Variants in UNC5D observed in about 807,000 individuals in gnomAD.
UNC5D encodes the protein unc-5 netrin receptor D.
In UNC5D, 39 loss-of-function variants were observed where a neutral mutation model predicts 105.4. That is an observed-to-expected ratio of 0.37 (90% CI 0.29 to 0.48). UNC5D has a LOEUF of 0.48. UNC5D is among the 20% of genes least tolerant of loss of function. The pLI is 0.98. For missense variants in UNC5D, 991 were observed against 1,202.4 expected (o/e 0.82, Z 2.60); for synonymous variants, 452 against 450.4 (o/e 1.00, Z -0.04).
intron 1 of UNC5D, among the ~76,000 whole-genome samples, chr8:35,351,269 A>G (rs867679763): frequency 1.1e-4 from 17 of 152,040 alleles, no homozygotes; most frequent in Middle Eastern, 3.4e-3. Flanking sequence ...TCTCCTACCC[A>G]CATAATCCCC....
intron 1 of UNC5D, among the ~76,000 whole-genome samples, chr8:35,488,521 G>T (rs1810978229): frequency 6.6e-6 from 1 of 152,160 alleles, no homozygotes; most frequent in Non-Finnish European, 1.5e-5. Flanking sequence ...GGGCCTTGGG[G>T]ACTGGGCTGC....
chr8:35,621,466 A>G (rs768415141), intron 4 of UNC5D, among the ~76,000 whole-genome samples: 3 of 152,186 alleles, frequency 2.0e-5, no homozygotes, highest in Non-Finnish European at 4.4e-5. Flanking sequence ...TTTGCTGATT[A>G]GTCAAGAGTT....
intron 1 of UNC5D, among the ~76,000 whole-genome samples, chr8:35,416,669 G>C (rs975038391): frequency 4.6e-5 from 7 of 151,904 alleles, no homozygotes; most frequent in African/African-American, 1.7e-4. Flanking sequence ...AGTAAGAGTA[G>C]AATCAGGAGT....
intron 16 of UNC5D, among the ~76,000 whole-genome samples, chr8:35,780,602 G>A (rs1186141401): frequency 6.6e-6 from 1 of 152,228 alleles, no homozygotes; most frequent in Non-Finnish European, 1.5e-5. Flanking sequence ...GAGGGAAGAT[G>A]ATGAGTACAA....
Position 35,375,953 on chromosome 8 carries a change from G to A in UNC5D, c.103+140066G>A, listed in dbSNP as rs1053171014. Among the ~76,000 whole-genome samples, 9 of 152,218 alleles carry A rather than the reference G, an allele frequency of 5.9e-5. 1 individual carries two copies. In the South Asian group the frequency reaches 1.2e-3, roughly 21 times the overall value. ...ACCTCTTTATACTCTCCCACCTCCT[G>A]AATCTCAGAAGAAATTTGAGATGTT... On this transcript the variant is annotated intron_variant, in intron 1 of 16. Coordinates refer to ENST00000404895, the MANE Select transcript of UNC5D (RefSeq NM_080872.4).
intron 14 of UNC5D, among the ~76,000 whole-genome samples, chr8:35,759,914 C>A (rs1173896951): frequency 6.6e-6 from 1 of 151,996 alleles, no homozygotes; most frequent in Non-Finnish European, 1.5e-5. Context: ...CTATGGCTAG[C>A]CAGGTGGAAA....
chr8:35,296,843 A>G lies in UNC5D; in HGVS notation c.103+60956A>G, dbSNP rs553933323. On this transcript the variant is annotated intron_variant, in intron 1 of 16. Transcript: ENST00000404895. ...AATATATCACCCCTCTCCCTTATACACAACACCACTCATTGTACTGTGATA... is the reference window on the plus strand; with the variant it reads ...AATATATCACCCCTCTCCCTTATACGCAACACCACTCATTGTACTGTGATA... Among the ~76,000 whole-genome samples the G allele has an allele frequency of 2.6e-5, 4 of 152,246 alleles. No individual in the cohort carries two copies. The South Asian group carries it at 8.3e-4, about 32-fold the overall frequency.
At chr8:35,528,139 G>A (rs1425946966) in intron 1 of UNC5D, among the ~76,000 whole-genome samples, 1 of 146,270 alleles carries the variant, frequency 6.8e-6, no homozygotes, top group East Asian at 2.0e-4. Flanking sequence ...CTGGTGTGCT[G>A]CACCCACTAA....
chr8:35,496,344 A>G lies in UNC5D; in HGVS notation c.104-52948A>G, dbSNP rs574158413. On this transcript the variant is annotated intron_variant, in intron 1 of 16. Coordinates refer to ENST00000404895, the MANE Select transcript of UNC5D (RefSeq NM_080872.4). ...TCTAAGGACTTTTGGAAGCCAGTAAAGGGTTTGTAAGCAGAAAAGATCTTT... is the reference window on the plus strand; with the variant it reads ...TCTAAGGACTTTTGGAAGCCAGTAAGGGGTTTGTAAGCAGAAAAGATCTTT... Among the ~76,000 whole-genome samples, 196 of 152,294 alleles carry G rather than the reference A, an allele frequency of 1.3e-3. 1 individual carries two copies. Among genetic ancestry groups the G allele is most frequent in the African/African-American group, 4.4e-3 (184 of 41,582 alleles).
intron 1 of UNC5D, among the ~76,000 whole-genome samples, chr8:35,246,093 T>C (rs1034680502): frequency 5.3e-5 from 8 of 152,160 alleles, no homozygotes; most frequent in Admixed American, 1.3e-4. Flanking sequence ...TTCACAATTA[T>C]GTGTACTTGA....
At chr8:35,658,611 G>A (rs574178215) in intron 4 of UNC5D, among the ~76,000 whole-genome samples, 7 of 151,364 alleles carry the variant, frequency 4.6e-5, no homozygotes, top group Non-Finnish European at 1.0e-4. Context: ...GAAAAGTTAG[G>A]AAGTGACCTT....
chr8:35,685,460 A>G (rs1195674923), intron 6 of UNC5D, among the ~76,000 whole-genome samples: 1 of 152,150 alleles, frequency 6.6e-6, no homozygotes, highest in East Asian at 1.9e-4. Flanking sequence ...TCTCACATGC[A>G]CTACAGAACA....
chr8:35,245,479 A>G (rs935792446), intron 1 of UNC5D, among the ~76,000 whole-genome samples: 1 of 152,122 alleles, frequency 6.6e-6, no homozygotes. Context: ...GAGGTTTCCA[A>G]AGTTGTTTCT....
At chr8:35,532,321 G>GATATGAA (rs889243980) in intron 1 of UNC5D, among the ~76,000 whole-genome samples, 3 of 151,020 alleles carry the variant, frequency 2.0e-5, no homozygotes, top group African/African-American at 7.3e-5. Flanking sequence ...AGTTTGGCTG[G>GATATGAA]ATATGAAATT....
intron 4 of UNC5D, among the ~76,000 whole-genome samples, chr8:35,670,688 A>G (rs978200093): frequency 6.6e-6 from 1 of 151,982 alleles, no homozygotes; most frequent in Non-Finnish European, 1.5e-5. Context: ...GAGGGGATCA[A>G]CACATACTGG....
intron 11 of UNC5D, among the ~76,000 whole-genome samples, chr8:35,736,990 GC>G (rs1478301231): frequency 1.3e-5 from 2 of 151,986 alleles, no homozygotes; most frequent in Admixed American, 6.6e-5. Flanking sequence ...CACCAATATT[GC>G]CCAAGTTCAA....
intron 4 of UNC5D, among the ~76,000 whole-genome samples, chr8:35,669,407 T>A (rs933623446): frequency 3.3e-5 from 5 of 152,022 alleles, no homozygotes; most frequent in Non-Finnish European, 7.3e-5. Flanking sequence ...CCTTTTTACC[T>A]GGTATTCCTA....
In UNC5D at chr8:35,774,351, C is replaced by A. The variant is rs1802142345; in HGVS notation, c.2531C>A (p.Ala844Glu). 1 of 1,614,120 alleles carries A rather than the reference C, an allele frequency of 6.2e-7. No homozygotes were observed. The highest frequency in any genetic ancestry group is 1.1e-5 in the South Asian group (1 of 91,084). Residue 844 changes from alanine to glutamate, a missense_variant, in exon 16 of 17, where the codon GCA (alanine) becomes GAA (glutamate). By Grantham distance (107) the Ala-to-Glu change is moderately radical (BLOSUM62 -1). Around this residue, in one of 3 missense-constraint regions of UNC5D, gnomAD observed 944 missense variants for 1,131.6 expected, o/e 0.83. Coordinates refer to ENST00000404895, the MANE Select transcript of UNC5D (RefSeq NM_080872.4). ...GCACAAGAGGACAGCACTTTCCCTG[C>A]ACAGACTGGCCCCAAAGCCTTCAAA... ...FFAQEDSTFPAQTGPKAFKIP... is the reference protein window; with the variant it reads ...FFAQEDSTFPEQTGPKAFKIP...
rs56702865 is a variant in UNC5D at position 35,789,895 on chromosome 8, AACACACACAC to A, written c.2658-436_2658-427del. On this transcript the variant is annotated intron_variant, in intron 16 of 16. Transcript: ENST00000404895. ...ATGTCAAGGGGATAGTCAAGAAGAAAACACACACACACACACACACACACACACACACACA... is the reference window on the plus strand; with the variant it reads ...ATGTCAAGGGGATAGTCAAGAAGAAAACACACACACACACACACACACACA... 2.2e-4 allele frequency among the ~76,000 whole-genome samples: 32 copies of A among 142,778 alleles called. No individual in the cohort carries two copies. In the South Asian group the frequency reaches 4.8e-3, roughly 21 times the overall value. The allele number at this position is 142,778 out of a possible 152,430, so 93.7% of individuals were successfully genotyped here.
Sources: allele counts gnomAD v4.1 joint callset (sites outside exome capture counted in the v4.1 genomes callset), GRCh38; gene constraint gnomAD v4.1.1; regional missense constraint gnomAD v4.1.1; transcripts MANE v1.5; gene names NCBI Gene and HGNC (gene_info 2026-07-23, HGNC 2026-07-21).